ADCY7: variants seen among roughly 807,000 people sequenced by gnomAD.
ADCY7 encodes the protein adenylate cyclase 7.
In ADCY7, 72 loss-of-function variants were observed where a neutral mutation model predicts 120.6. That is an observed-to-expected ratio of 0.60 (90% CI 0.49 to 0.73). ADCY7 has a LOEUF of 0.73. Among genes scored for constraint, ADCY7 ranks in the 30% least tolerant of loss-of-function variants. The pLI, the probability that ADCY7 is intolerant of heterozygous loss-of-function variation, is 0.00. For missense variants in ADCY7, 1,227 were observed against 1,486.0 expected, an observed-to-expected ratio of 0.83 and a Z score of 2.87; for synonymous variants, 661 against 628.0, an observed-to-expected ratio of 1.05 and a Z score of -0.78.
chr16:50,304,293 A>G (rs1396082937), intron 10 of ADCY7, 67 bp from the exon 11 acceptor site: 9 of 1,327,418 alleles, frequency 6.8e-6, no homozygotes, highest in South Asian at 3.7e-5. Context: ...CTGGATGGGG[A>G]TGGCGGCCCC....
chr16:50,311,956 A>G (rs1196423947), intron 20 of ADCY7, 80 bp from the exon 21 acceptor site: 10 of 1,584,740 alleles, frequency 6.3e-6, no homozygotes, highest in Non-Finnish European at 8.6e-6. Flanking sequence ...CCAGGGACAG[A>G]CAGACCTGGC....
rs375246139 is a variant in ADCY7, at chr16:50,304,533, C to A, written c.1542C>A (p.Pro514=). Residue 514 remains proline (P), a synonymous_variant, in exon 11 of 26, where the codon CCC becomes CCA. Coordinates refer to ENST00000673801, the MANE Select transcript of ADCY7 (RefSeq NM_001114.5). ...ESVSSGETHV[P]NGRRPKSVPQ... ...TGAGCAGTGGTGAGACCCACGTCCC[C>A]AACGGGCGGAGGCCTAAGGTAGGTC... 1.9e-6 allele frequency: 3 copies of A among 1,561,022 alleles called. No homozygotes were observed. The highest frequency in any genetic ancestry group is 2.7e-5 in the African/African-American group (2 of 72,986).
intron 1 of ADCY7, among the ~76,000 whole-genome samples, chr16:50,252,339 A>G (rs1034840571): frequency 3.9e-5 from 6 of 152,084 alleles, no homozygotes; most frequent in African/African-American, 1.4e-4. Context: ...TTCTAATGCC[A>G]CTGGTCCCCC....
chr16:50,281,399 G>GGTGCGGCAT (rs1401785171), intron 1 of ADCY7, among the ~76,000 whole-genome samples: 1 of 152,122 alleles, frequency 6.6e-6, no homozygotes, highest in Non-Finnish European at 1.5e-5. Flanking sequence ...AGGTGCGGCA[G>GGTGCGGCAT]GTGCAGCAGG....
At chr16:50,295,345 ATTTTTTTTTTT>A (rs67137852) in intron 7 of ADCY7, among the ~76,000 whole-genome samples, 21,776 of 82,926 alleles carry the variant, frequency 0.26, 2,389 homozygotes, top group Middle Eastern at 0.43. Flanking sequence ...CGCCTGGCTA[ATTTTTTTTTTT>A]TTTTTTTTTT....
At chr16:50,307,018 T>C (rs763767913) in intron 14 of ADCY7, 32 bp from the exon 15 acceptor site, 1 of 1,572,778 alleles carries the variant, frequency 6.4e-7, no homozygotes, top group South Asian at 1.1e-5. Context: ...GCACTGCTGG[T>C]GGCCACCCCT....
At chr16:50,301,478 C>T (rs909768642) in intron 10 of ADCY7, among the ~76,000 whole-genome samples, 7 of 152,352 alleles carry the variant, frequency 4.6e-5, no homozygotes, top group African/African-American at 1.7e-4. Context: ...CTTCACAGTG[C>T]GCCTGGCACG....
At chr16:50,246,431 T>A (rs1295424613) in intron 1 of ADCY7, among the ~76,000 whole-genome samples, 1 of 151,904 alleles carries the variant, frequency 6.6e-6, no homozygotes, top group East Asian at 2.0e-4. Flanking sequence ...CCTCCTCCCT[T>A]AGGCACGGCC....
intron 14 of ADCY7, 111 bp downstream of exon 14, chr16:50,305,960 G>A (rs1032314227): frequency 9.4e-7 from 1 of 1,064,684 alleles, no homozygotes; most frequent in African/African-American, 1.6e-5. Flanking sequence ...GGCTAGGGGA[G>A]GGGCACTGAG....
chr16:50,286,624 G>A (rs909305770), intron 1 of ADCY7, among the ~76,000 whole-genome samples: 2 of 151,990 alleles, frequency 1.3e-5, no homozygotes, highest in Non-Finnish European at 2.9e-5. Context: ...GGAACCCTCT[G>A]TGCCTGGAGG....
chr16:50,289,754 C>T (rs2034821696), intron 2 of ADCY7, among the ~76,000 whole-genome samples: 1 of 152,272 alleles, frequency 6.6e-6, no homozygotes. Context: ...GCGTGAGCCA[C>T]CATGCCCAGC....
At chr16:50,271,922 C>T (rs977751271) in intron 1 of ADCY7, among the ~76,000 whole-genome samples, 12 of 152,178 alleles carry the variant, frequency 7.9e-5, no homozygotes, top group South Asian at 4.1e-4. Flanking sequence ...GCCCAAGGGA[C>T]GCCGGGATAC....
intron 1 of ADCY7, among the ~76,000 whole-genome samples, chr16:50,257,382 TAA>T (rs752407690): frequency 2.0e-5 from 3 of 152,142 alleles, no homozygotes. Context: ...AGTGGAGGAA[TAA>T]GTTTTTTGAG....
rs559869340 is a variant in ADCY7, at chr16:50,270,773, A to C, written c.-269+4093A>C. On this transcript the variant is annotated intron_variant, in intron 1 of 25. Coordinates refer to ENST00000673801, the MANE Select transcript of ADCY7 (RefSeq NM_001114.5). ...TTATCTGTAAAATGGGGCTGATGGC[A>C]GTGCTCAGGTAGGTTAATGGGAGGG... Among the ~76,000 whole-genome samples, 50 of 152,314 alleles carry C rather than the reference A, an allele frequency of 3.3e-4. No homozygotes were observed. In the South Asian group the frequency reaches 3.7e-3, roughly 11 times the overall value.
Position 50,293,510 on chromosome 16 carries a change from G to A in ADCY7, c.836+8G>A, listed in dbSNP as rs1232799083. 1 of 1,613,420 alleles carries A rather than the reference G, an allele frequency of 6.2e-7. No individual in the cohort carries two copies. Among genetic ancestry groups the A allele is most frequent in the Non-Finnish European group, 8.5e-7 (1 of 1,179,768 alleles). On this transcript the variant is annotated splice_region_variant and intron_variant, in intron 6 of 25. Transcript: ENST00000673801. ...GAGGCACCAGAATGTCAGGTGGGCG[G>A]TGAGACGTGTGATTAGCATATCCCG... is the stretch of plus-strand genomic sequence containing the variant.
intron 7 of ADCY7, 33 bp from the exon 8 acceptor site, chr16:50,298,871 T>C (rs771435211): frequency 2.5e-6 from 4 of 1,600,290 alleles, no homozygotes; most frequent in Non-Finnish European, 3.4e-6. Context: ...GCCCCACATC[T>C]TCCAGTGACC....
At chr16:50,252,977 A>G (rs1282068065) in intron 1 of ADCY7, among the ~76,000 whole-genome samples, 1 of 152,144 alleles carries the variant, frequency 6.6e-6, no homozygotes, top group African/African-American at 2.4e-5. Flanking sequence ...GAGCATTACA[A>G]CTTTCTTTAT....
intron 18 of ADCY7, 104 bp downstream of exon 18, chr16:50,309,750 A>T (rs1596984163): frequency 9.9e-7 from 1 of 1,013,740 alleles, no homozygotes; most frequent in Non-Finnish European, 1.4e-6. Context: ...CCCTGAGAGC[A>T]CAGCATGTGG....
rs1270774101 is a variant in ADCY7, at chr16:50,293,593, C to T, written c.836+91C>T. 2.7e-6 allele frequency: 4 copies of T among 1,465,200 alleles called. No homozygotes were observed. In the South Asian group the frequency reaches 3.8e-5, roughly 14 times the overall value. 90.8% of individuals were successfully genotyped at this position (1,465,200 alleles called of 1,614,324 possible). ...GCGGCCTCCCCGCCCTATCTGGAGGCTCAGACCCCTGCCCATATAGGGATT... is the reference window on the plus strand; with the variant it reads ...GCGGCCTCCCCGCCCTATCTGGAGGTTCAGACCCCTGCCCATATAGGGATT... On this transcript the variant is annotated intron_variant, in intron 6 of 25. Transcript: ENST00000673801.
Sources: allele counts gnomAD v4.1 joint callset (sites outside exome capture counted in the v4.1 genomes callset), GRCh38; gene constraint gnomAD v4.1.1; transcripts MANE v1.5; gene names NCBI Gene and HGNC (gene_info 2026-07-23, HGNC 2026-07-21).